Variants in GUCY1A2 observed in about 807,000 individuals in gnomAD.
GUCY1A2 encodes guanylate cyclase 1 soluble subunit alpha 2, also known as guanylate cyclase soluble subunit alpha-2.
GUCY1A2 carries 27 observed loss-of-function variants against 63.5 expected under a neutral mutation model. That is an observed-to-expected ratio of 0.43 (90% CI 0.31 to 0.59). The LOEUF (loss-of-function observed/expected upper bound fraction) is 0.59, where lower values mean the gene tolerates loss of function less well. GUCY1A2 is among the 20% of genes least tolerant of loss of function. The pLI is 0.11. For synonymous variants in GUCY1A2, 364 were observed against 343.5 expected, an observed-to-expected ratio of 1.06 and a Z score of -0.66; for missense variants, 768 against 913.3, an observed-to-expected ratio of 0.84 and a Z score of 2.05.
intron 1 of GUCY1A2, among the ~76,000 whole-genome samples, chr11:107,010,956 C>T (rs1353207567): frequency 1.3e-5 from 2 of 152,160 alleles, no homozygotes; most frequent in Non-Finnish European, 2.9e-5. Context: ...TCTTGAACTC[C>T]TGACCTCAGG....
At chr11:107,005,913 A>G (rs1861665330) in intron 1 of GUCY1A2, among the ~76,000 whole-genome samples, 1 of 152,214 alleles carries the variant, frequency 6.6e-6, no homozygotes. Context: ...TATTATCTAG[A>G]GACTTTGCCA....
intron 1 of GUCY1A2, among the ~76,000 whole-genome samples, chr11:107,014,116 G>T: frequency 8.9e-6 from 1 of 112,116 alleles, no homozygotes; most frequent in East Asian, 3.1e-4. Flanking sequence ...TTGAGACGGA[G>T]TCTCGCTCTG....
intron 4 of GUCY1A2, among the ~76,000 whole-genome samples, chr11:106,931,209 C>T (rs1860596868): frequency 6.6e-6 from 1 of 151,872 alleles, no homozygotes; most frequent in African/African-American, 2.4e-5. Flanking sequence ...AAATATTTGC[C>T]TACATATTTA....
intron 2 of GUCY1A2, among the ~76,000 whole-genome samples, chr11:106,979,168 A>C (rs1437408415): frequency 2.0e-5 from 3 of 152,190 alleles, no homozygotes; most frequent in African/African-American, 7.2e-5. Context: ...AGAAGATAGC[A>C]GTATAGGCCG....
At chr11:107,000,418 C>T (rs1861598995) in intron 1 of GUCY1A2, among the ~76,000 whole-genome samples, 2 of 152,228 alleles carry the variant, frequency 1.3e-5, no homozygotes, top group South Asian at 4.1e-4. Context: ...TGTTCCATTA[C>T]AACCCAATCA....
chr11:106,833,134 G>A (rs563668882), intron 4 of GUCY1A2, among the ~76,000 whole-genome samples: 1 of 152,090 alleles, frequency 6.6e-6, no homozygotes, highest in East Asian at 1.9e-4. Flanking sequence ...TTGTGTCTGT[G>A]TCCAAATATT....
chr11:106,780,756 G>A (rs1173254745), intron 5 of GUCY1A2, among the ~76,000 whole-genome samples: 1 of 152,006 alleles, frequency 6.6e-6, no homozygotes, highest in Non-Finnish European at 1.5e-5. Flanking sequence ...TGTCTGGAAA[G>A]TTTAAGTAAT....
chr11:106,929,527 C>A (rs1374035634), intron 4 of GUCY1A2, among the ~76,000 whole-genome samples: 2 of 151,926 alleles, frequency 1.3e-5, no homozygotes, highest in African/African-American at 4.8e-5. Context: ...AGTTTTTTTT[C>A]ACAATAGCAC....
chr11:106,861,340 G>A (rs1859509377), intron 4 of GUCY1A2, among the ~76,000 whole-genome samples: 1 of 151,970 alleles, frequency 6.6e-6, no homozygotes, highest in African/African-American at 2.4e-5. Flanking sequence ...CAAAGGTTTT[G>A]TGTGCTGTCT....
chr11:106,939,144 C>T (rs1245836860), intron 4 of GUCY1A2, among the ~76,000 whole-genome samples: 2 of 152,170 alleles, frequency 1.3e-5, no homozygotes, highest in African/African-American at 4.8e-5. Context: ...AGTTTGACTA[C>T]ATTCAGTGGA....
intron 6 of GUCY1A2, among the ~76,000 whole-genome samples, chr11:106,734,777 G>A (rs950536258): frequency 6.6e-6 from 1 of 152,016 alleles, no homozygotes; most frequent in Non-Finnish European, 1.5e-5. Flanking sequence ...TTTCTTAAGA[G>A]GTTTCACTCT....
rs987740984 is a variant in GUCY1A2 at position 106,737,758 on chromosome 11, A to G, written c.1837-29092T>C. On this transcript the variant is annotated intron_variant, in intron 6 of 7. Coordinates refer to ENST00000526355, the MANE Select transcript of GUCY1A2 (RefSeq NM_000855.3). Reference sequence around the variant, plus strand: ...CTTTTTTATGGTTGCATAGTATTCCATGGTGTATGTGTCCCACATTTTCTT... The same window carrying G: ...CTTTTTTATGGTTGCATAGTATTCCGTGGTGTATGTGTCCCACATTTTCTT... 1.2e-4 allele frequency among the ~76,000 whole-genome samples: 18 copies of G among 152,266 alleles called. No individual in the cohort carries two copies. The East Asian group carries it at 3.5e-3, about 29-fold the overall frequency.
At chr11:106,936,597 C>A (rs1270015955) in intron 4 of GUCY1A2, 1 of 948,212 alleles carries the variant, frequency 1.1e-6, no homozygotes, top group Non-Finnish European at 1.6e-6. Flanking sequence ...TAGAGGAAAC[C>A]AAGTGATAGA....
chr11:106,804,606 G>A (rs180682563), intron 5 of GUCY1A2, among the ~76,000 whole-genome samples: 39 of 144,498 alleles, frequency 2.7e-4, no homozygotes, highest in African/African-American at 9.6e-4. Flanking sequence ...AAGGTCCAGC[G>A]AAGAAGAGAG....
At chr11:106,877,934 GAA>G (rs1859772586) in intron 4 of GUCY1A2, among the ~76,000 whole-genome samples, 1 of 150,354 alleles carries the variant, frequency 6.7e-6, no homozygotes, top group African/African-American at 2.4e-5. Context: ...TTACAAGAAA[GAA>G]AAACCCAAAC....
At chr11:106,697,788 A>G (rs1862745279) in intron 7 of GUCY1A2, among the ~76,000 whole-genome samples, 1 of 152,196 alleles carries the variant, frequency 6.6e-6, no homozygotes, top group African/African-American at 2.4e-5. Context: ...TTAACCATAC[A>G]ATATATAGAA....
chr11:106,740,848 C>T (rs750082712), intron 6 of GUCY1A2, among the ~76,000 whole-genome samples: 7 of 151,930 alleles, frequency 4.6e-5, no homozygotes, highest in African/African-American at 1.7e-4. Flanking sequence ...TAATTTTGCA[C>T]GTTTAGTAGA....
chr11:106,950,163 G>A (rs1860886469), intron 3 of GUCY1A2, among the ~76,000 whole-genome samples: 1 of 152,228 alleles, frequency 6.6e-6, no homozygotes, highest in Non-Finnish European at 1.5e-5. Flanking sequence ...TGAGTGCTAA[G>A]AAGGGGACAG....
At position 106,879,638 on chromosome 11, in the gene GUCY1A2, A is replaced by C. The variant is rs547324823; in HGVS notation, c.1206+59822T>G. ...TTCCAGTGAGAAAGAGATGGGCCTA[A>C]AACAACCCATCCCTCTGAAATGGCT... On this transcript the variant is annotated intron_variant, in intron 4 of 7. Coordinates refer to ENST00000526355, the MANE Select transcript of GUCY1A2 (RefSeq NM_000855.3). Among the ~76,000 whole-genome samples the C allele has an allele frequency of 5.4e-4, 82 of 152,152 alleles. 3 individuals are homozygous for C. The South Asian group carries it at 0.017, about 31-fold the overall frequency.
Sources: gnomAD v4.1 joint callset for allele counts (sites outside exome capture counted in the v4.1 genomes callset) on GRCh38, gnomAD v4.1.1 for gene constraint, MANE v1.5 for transcripts, NCBI Gene and HGNC (gene_info 2026-07-23, HGNC 2026-07-21) for gene names.